The following UBE2E2 variants were observed in gnomAD, a reference collection of about 807,000 sequenced individuals.
The protein encoded by UBE2E2 is ubiquitin-conjugating enzyme E2 E2.
A neutral mutation model predicts 24.7 loss-of-function variants in UBE2E2; 6 were observed. The observed-to-expected ratio is 0.24, with a 90% CI of 0.13 to 0.48. The LOEUF (loss-of-function observed/expected upper bound fraction) is 0.48. Ranked by LOEUF, UBE2E2 falls within the 20% of genes least tolerant of loss-of-function variation. UBE2E2 has a pLI of 0.99. For synonymous variants in UBE2E2, 104 were observed against 83.6 expected, an observed-to-expected ratio of 1.24 and a Z score of -1.33; for missense variants, 169 against 245.0, an observed-to-expected ratio of 0.69 and a Z score of 2.07.
At chr3:23,578,534 C>G (rs1054544680) in intron 5 of UBE2E2, among the ~76,000 whole-genome samples, 3 of 152,190 alleles carry the variant, frequency 2.0e-5, no homozygotes, top group African/African-American at 7.2e-5. Flanking sequence ...AACCCAAATG[C>G]TCATCAATTA....
At chr3:23,575,738 C>T (rs1696332540) in intron 5 of UBE2E2, among the ~76,000 whole-genome samples, 1 of 152,100 alleles carries the variant, frequency 6.6e-6, no homozygotes, top group Admixed American at 6.6e-5. Flanking sequence ...AAAATGTATA[C>T]AGTGGTCCAG....
chr3:23,456,921 G>T (rs184224066), intron 3 of UBE2E2, among the ~76,000 whole-genome samples: 1 of 152,188 alleles, frequency 6.6e-6, no homozygotes, highest in African/African-American at 2.4e-5. Flanking sequence ...TCTTCCAAAA[G>T]AAGGCTGTTT....
intron 5 of UBE2E2, among the ~76,000 whole-genome samples, chr3:23,570,760 C>T (rs1696200217): frequency 6.6e-6 from 1 of 152,080 alleles, no homozygotes; most frequent in Non-Finnish European, 1.5e-5. Flanking sequence ...GATGTCAGAG[C>T]TTGTTTTTAG....
At chr3:23,369,316 T>C (rs1696338059) in intron 3 of UBE2E2, among the ~76,000 whole-genome samples, 1 of 152,320 alleles carries the variant, frequency 6.6e-6, no homozygotes, top group East Asian at 1.9e-4. Context: ...TCAGAAGTTA[T>C]TGCTTTATTG....
chr3:23,293,602 C>A (rs528716260), intron 3 of UBE2E2, among the ~76,000 whole-genome samples: 1 of 152,224 alleles, frequency 6.6e-6, no homozygotes, highest in African/African-American at 2.4e-5. Context: ...AGAATTAATT[C>A]TCTATGATTA....
At chr3:23,491,305 T>A (rs1333548771) in intron 3 of UBE2E2, among the ~76,000 whole-genome samples, 1 of 152,224 alleles carries the variant, frequency 6.6e-6, no homozygotes, top group Non-Finnish European at 1.5e-5. Context: ...CTTTTCACTG[T>A]CAGTATAGAG....
intron 3 of UBE2E2, among the ~76,000 whole-genome samples, chr3:23,439,514 TG>T (rs1559384042): frequency 6.6e-6 from 1 of 152,194 alleles, no homozygotes; most frequent in Non-Finnish European, 1.5e-5. Flanking sequence ...AAGTGAGCCC[TG>T]GGGATGGCTA....
At chr3:23,371,030 T>TA (rs569050422) in intron 3 of UBE2E2, among the ~76,000 whole-genome samples, 1 of 152,210 alleles carries the variant, frequency 6.6e-6, no homozygotes, top group African/African-American at 2.4e-5. Context: ...TTTTTTATTT[T>TA]AAAAAATTTT....
chr3:23,550,676 A>T (rs902301363), intron 5 of UBE2E2, among the ~76,000 whole-genome samples: 2 of 152,186 alleles, frequency 1.3e-5, no homozygotes, highest in Non-Finnish European at 2.9e-5. Context: ...AAAACTAGAC[A>T]TTCCCTGAGA....
At chr3:23,323,511 T>C (rs970293795) in intron 3 of UBE2E2, 11 of 434,324 alleles carry the variant, frequency 2.5e-5, no homozygotes, top group African/African-American at 1.9e-4. Flanking sequence ...CACAACTTTT[T>C]CAGCACCAAC....
intron 3 of UBE2E2, among the ~76,000 whole-genome samples, chr3:23,494,461 T>C (rs751885585): frequency 3.6e-4 from 55 of 152,202 alleles, no homozygotes; most frequent in Non-Finnish European, 6.3e-4. Flanking sequence ...CTTAGGTATA[T>C]ATTTTACACA....
At chr3:23,371,184 C>T (rs1193752968) in intron 3 of UBE2E2, among the ~76,000 whole-genome samples, 5 of 152,126 alleles carry the variant, frequency 3.3e-5, no homozygotes, top group African/African-American at 7.2e-5. Flanking sequence ...TGCATGCCAC[C>T]GCACCTGGCT....
intron 3 of UBE2E2, among the ~76,000 whole-genome samples, chr3:23,408,811 A>G (rs565211920): frequency 6.6e-6 from 1 of 152,060 alleles, no homozygotes; most frequent in Non-Finnish European, 1.5e-5. Context: ...TACTTGGAGT[A>G]TTGGTTTATC....
chr3:23,567,299 G>T lies in UBE2E2; in HGVS notation c.509-22435G>T, dbSNP rs1696098615. ...GCCCACTTACTTGGCTGAGGCAGGG[G>T]TAGGGGAGAAGCACTGTGTGTGGAC... is the stretch of plus-strand genomic sequence containing the variant. On this transcript the variant is annotated intron_variant, in intron 5 of 5. Coordinates refer to ENST00000396703, the MANE Select transcript of UBE2E2 (RefSeq NM_152653.4). Among the ~76,000 whole-genome samples, 3 of 152,184 alleles carry T rather than the reference G, an allele frequency of 2.0e-5. No individual in the cohort carries two copies. In the South Asian group the frequency reaches 6.2e-4, roughly 31 times the overall value.
chr3:23,383,274 A>C (rs866757525), intron 3 of UBE2E2, among the ~76,000 whole-genome samples: 19 of 152,146 alleles, frequency 1.2e-4, no homozygotes, highest in African/African-American at 4.6e-4. Flanking sequence ...ACTGGATTTA[A>C]GTTGTCTAAG....
At chr3:23,467,096 A>C (rs1444993056) in intron 3 of UBE2E2, among the ~76,000 whole-genome samples, 5 of 152,206 alleles carry the variant, frequency 3.3e-5, no homozygotes, top group African/African-American at 1.2e-4. Flanking sequence ...TTTAGGAAGT[A>C]AAGTTGGCAA....
chr3:23,236,912 C>G (rs979228008), intron 3 of UBE2E2, among the ~76,000 whole-genome samples: 4 of 152,192 alleles, frequency 2.6e-5, no homozygotes, highest in Non-Finnish European at 5.9e-5. Context: ...CTTTGTCTCT[C>G]TCTTTCATTT....
intron 3 of UBE2E2, among the ~76,000 whole-genome samples, chr3:23,262,833 C>T (rs1383948236): frequency 2.0e-5 from 3 of 152,046 alleles, no homozygotes; most frequent in East Asian, 3.9e-4. Flanking sequence ...AAATCCTTGC[C>T]GAGAAAAATG....
intron 5 of UBE2E2, among the ~76,000 whole-genome samples, chr3:23,551,470 C>T (rs913056420): frequency 6.6e-6 from 1 of 152,174 alleles, no homozygotes; most frequent in Non-Finnish European, 1.5e-5. Context: ...ATGCAAACAG[C>T]TATACTATTC....
Sources: gnomAD v4.1 joint callset for allele counts (sites outside exome capture counted in the v4.1 genomes callset) on GRCh38, gnomAD v4.1.1 for gene constraint, MANE v1.5 for transcripts, NCBI Gene and HGNC (gene_info 2026-07-23, HGNC 2026-07-21) for gene names.